The following RPS6KA1 variants were observed in gnomAD, a reference collection of about 807,000 sequenced individuals.
The protein encoded by RPS6KA1 is ribosomal protein S6 kinase alpha-1.
Under a neutral mutation model 91.3 loss-of-function variants are expected in RPS6KA1, and 48 were observed. That is an observed-to-expected ratio of 0.53 (90% CI 0.42 to 0.67). The LOEUF (loss-of-function observed/expected upper bound fraction) is 0.67, where lower values mean the gene tolerates loss of function less well. RPS6KA1 is among the 30% of genes least tolerant of loss of function. RPS6KA1 has a pLI of 0.00. For synonymous variants in RPS6KA1, 359 were observed against 384.7 expected (o/e 0.93, Z 0.78); for missense variants, 719 against 960.5 (o/e 0.75, Z 3.32).
Position 26,547,537 on chromosome 1 carries a change from C to A in RPS6KA1, c.307+267C>A. The A allele has an allele frequency of 2.4e-6, 1 of 412,068 alleles. No homozygotes were observed. 25.5% of individuals were successfully genotyped at this position (412,068 alleles called of 1,614,324 possible). ...TGTCAGGGGGCGGGGCCCTCAACTA[C>A]CAAGCTGGTCAAGCAGAGGCATTCT... On this transcript the variant is annotated intron_variant, in intron 4 of 21. Coordinates refer to ENST00000374168, the MANE Select transcript of RPS6KA1 (RefSeq NM_002953.4). The surrounding 1 kb of genome is among the most constrained non-coding windows in gnomAD (Gnocchi z 4.1).
chr1:26,531,326 C>A (rs976640473), intron 1 of RPS6KA1: 1 of 152,358 alleles, frequency 6.6e-6, no homozygotes, highest in African/African-American at 2.4e-5. Flanking sequence ...CCTCTGCAGC[C>A]CCTGTACTGC....
chr1:26,571,608 G>A lies in RPS6KA1; in HGVS notation c.1750G>A (p.Glu584Lys). Residue 584 changes from glutamate to lysine, a missense_variant and splice_region_variant, in exon 18 of 22, where the codon GAG becomes AAG. By Grantham distance (56) the Glu-to-Lys change is moderately conservative. Around this residue, in one of 5 missense-constraint regions of RPS6KA1, gnomAD observed 249 missense variants for 323.1 expected, o/e 0.77. Transcript: ENST00000374168. This position sits in a 1 kb window ranked among gnomAD's most constrained non-coding sequence, Gnocchi z 5.1. ...PCYTANFVAP[E>K]VLKRQGYDEG... The stretch of plus-strand genomic sequence containing the variant: ...CTACACAGCCAACTTTGTGGCGCCT[G>A]AGGTGAGTGGCCCAGCCTCCTCAGC... 2 of 1,614,002 alleles carry A rather than the reference G, an allele frequency of 1.2e-6. No homozygotes were observed. Among genetic ancestry groups the A allele is most frequent in the Non-Finnish European group, 1.7e-6 (2 of 1,179,968 alleles).
chr1:26,543,211 G>T (rs1191929540), intron 2 of RPS6KA1: 6 of 1,535,254 alleles, frequency 3.9e-6, no homozygotes, highest in Non-Finnish European at 4.4e-6. Context: ...TTGGTTCCCT[G>T]TCCCAGAAAG....
At chr1:26,532,014 TG>T (rs1270340917) in intron 1 of RPS6KA1, among the ~76,000 whole-genome samples, 1 of 152,162 alleles carries the variant, frequency 6.6e-6, no homozygotes. Context: ...GCACCACCAC[TG>T]CTGGCAGCTC....
In RPS6KA1 at chr1:26,529,897, C is replaced by A; in HGVS notation, c.-24C>A. 1 of 1,416,666 alleles carries A rather than the reference C, an allele frequency of 7.1e-7. No individual in the cohort carries two copies. Among genetic ancestry groups the A allele is most frequent in the South Asian group, 1.3e-5 (1 of 74,712 alleles). The allele number at this position is 1,416,666 out of a possible 1,614,324, so 87.8% of individuals were successfully genotyped here. Reference sequence around the variant, plus strand: ...GGCGCAGCCGGGGCCGCCGGAGGAGCGCGGGTGACCTGGCGGCGGCGAGAT... The same window carrying A: ...GGCGCAGCCGGGGCCGCCGGAGGAGAGCGGGTGACCTGGCGGCGGCGAGAT... On this transcript the variant is annotated 5_prime_UTR_variant, in exon 1 of 22. Coordinates refer to ENST00000374168, the MANE Select transcript of RPS6KA1 (RefSeq NM_002953.4). This position sits in a 1 kb window ranked among gnomAD's most constrained non-coding sequence, Gnocchi z 4.2.
chr1:26,538,983 C>T (rs1311326166), intron 2 of RPS6KA1, among the ~76,000 whole-genome samples: 1 of 152,192 alleles, frequency 6.6e-6, no homozygotes, highest in African/African-American at 2.4e-5. Context: ...CCCTGTTGTT[C>T]ACAGGAGGGC....
intron 17 of RPS6KA1, among the ~76,000 whole-genome samples, chr1:26,568,191 G>A (rs2076220498): frequency 6.6e-6 from 1 of 152,220 alleles, no homozygotes; most frequent in African/African-American, 2.4e-5. Context: ...TCTGTGGACT[G>A]CTTGGAGGTT....
At chr1:26,566,983 C>T (rs553612318) in intron 17 of RPS6KA1, among the ~76,000 whole-genome samples, 1 of 152,166 alleles carries the variant, frequency 6.6e-6, no homozygotes, top group Admixed American at 6.5e-5. Context: ...TGCCACTTTC[C>T]ACAGGCCAGG....
Position 26,574,704 on chromosome 1 carries a change from T to A in RPS6KA1, c.*503T>A. 1 of 339,650 alleles carries A rather than the reference T, an allele frequency of 2.9e-6. No homozygotes were observed. The highest frequency in any genetic ancestry group is 2.2e-5 in the South Asian group (1 of 44,478). 21.0% of individuals were successfully genotyped at this position (339,650 alleles called of 1,614,324 possible). A position where few individuals can be genotyped will look rare whatever the true frequency, so the allele number is the denominator to read the frequency against. On this transcript the variant is annotated 3_prime_UTR_variant, in exon 22 of 22. Transcript: ENST00000374168. The surrounding 1 kb of genome is among the most constrained non-coding windows in gnomAD (Gnocchi z 4.3). The stretch of plus-strand genomic sequence containing the variant: ...AGAACTCATTCTATCCCCAATCAGC[T>A]CCTTTTCCGTTCTGTTCTGCTGGGA...
At position 26,554,672 on chromosome 1, in the gene RPS6KA1, C is replaced by G; in HGVS notation, c.690C>G (p.Ala230=). The change falls in exon 9 of 22, where the codon GCC becomes GCG. Residue 230 remains alanine, a synonymous_variant. Coordinates refer to ENST00000374168, the MANE Select transcript of RPS6KA1 (RefSeq NM_002953.4). This position sits in a 1 kb window ranked among gnomAD's most constrained non-coding sequence, Gnocchi z 4.6. ...TCTGCGGGACAGTGGAGTACATGGCCCCTGAGGTCGTCAACCGCCAGGGCC... is the reference window on the plus strand; with the variant it reads ...TCTGCGGGACAGTGGAGTACATGGCGCCTGAGGTCGTCAACCGCCAGGGCC... The part of the protein sequence containing the change: ...YSFCGTVEYM[A]PEVVNRQGHS... 1.2e-6 allele frequency: 2 copies of G among 1,613,474 alleles called. No individual in the cohort carries two copies. The highest frequency in any genetic ancestry group is 1.7e-6 in the Non-Finnish European group (2 of 1,179,502).
Position 26,555,385 on chromosome 1 carries a change from G to A in RPS6KA1, c.828-152G>A, listed in dbSNP as rs979217639. The stretch of plus-strand genomic sequence containing the variant: ...TCCAGAGCCCCTCTTTCATCCCTGG[G>A]GGCCTGTGGGTAGGATCCCTGAAGC... On this transcript the variant is annotated intron_variant, in intron 10 of 21. Transcript: ENST00000374168. This position sits in a 1 kb window ranked among gnomAD's most constrained non-coding sequence, Gnocchi z 4.3. The A allele has an allele frequency of 5.8e-5, 57 of 980,348 alleles. No individual in the cohort carries two copies. Among genetic ancestry groups the A allele is most frequent in the South Asian group, 4.2e-4 (27 of 64,912 alleles). The allele number at this position is 980,348 out of a possible 1,614,324, so 60.7% of individuals were successfully genotyped here.
chr1:26,537,089 G>C (rs918680075), intron 2 of RPS6KA1, 120 bp downstream of exon 2: 3 of 1,028,134 alleles, frequency 2.9e-6, no homozygotes, highest in Admixed American at 1.9e-5. Context: ...GTCCTTCTCA[G>C]GGCCCACCGA....
At chr1:26,560,601 A>G (rs2076145304) in intron 14 of RPS6KA1, 125 bp from the exon 15 acceptor site, 1 of 1,248,938 alleles carries the variant, frequency 8.0e-7, no homozygotes. Flanking sequence ...CATGGCCAAC[A>G]CTCTACCCCA....
At position 26,539,879 on chromosome 1, in the gene RPS6KA1, C is replaced by T. The variant is rs193112406; in HGVS notation, c.108+2910C>T. ...TCTCCGGAGCTGGACCCCTTTGAAG[C>T]GCCTGCAGGTCTATTTTGAGAGCTG... On this transcript the variant is annotated intron_variant, in intron 2 of 21. Coordinates refer to ENST00000374168, the MANE Select transcript of RPS6KA1 (RefSeq NM_002953.4). 4.3e-3 allele frequency among the ~76,000 whole-genome samples: 655 copies of T among 152,320 alleles called. 4 individuals are homozygous for T. The highest frequency in any genetic ancestry group is 0.015 in the African/African-American group (627 of 41,568).
In RPS6KA1 at chr1:26,555,938, T is replaced by C. The variant is rs1405131880; in HGVS notation, c.916+313T>C. 3.7e-5 allele frequency: 17 copies of C among 463,052 alleles called. No homozygotes were observed. In the East Asian group the frequency reaches 6.7e-4, roughly 18 times the overall value. The allele number at this position is 463,052 out of a possible 1,614,324, so 28.7% of individuals were successfully genotyped here. On this transcript the variant is annotated intron_variant, in intron 11 of 21. Coordinates refer to ENST00000374168, the MANE Select transcript of RPS6KA1 (RefSeq NM_002953.4). The surrounding 1 kb of genome is among the most constrained non-coding windows in gnomAD (Gnocchi z 4.3). ...GCATGAGCTCAGGAGTCAGAAGGCA[T>C]AGGTCCCAATCCCGGCTCTGTGTCA...
chr1:26,543,997 C>T (rs746788779), intron 2 of RPS6KA1: 21 of 442,148 alleles, frequency 4.7e-5, no homozygotes, highest in South Asian at 2.7e-4. Flanking sequence ...AGAGGTGGGT[C>T]TGCAAGAAAT....
In RPS6KA1 at chr1:26,547,112, G is replaced by A; in HGVS notation, c.226-77G>A. On this transcript the variant is annotated intron_variant, in intron 3 of 21. Transcript: ENST00000374168. The surrounding 1 kb of genome is among the most constrained non-coding windows in gnomAD (Gnocchi z 4.1). ...AGGGAGAGCAAAAAGGTCAGCTTGGGGCTCAGAGAAGATAGAGGTCAGCCT... is the reference window on the plus strand; with the variant it reads ...AGGGAGAGCAAAAAGGTCAGCTTGGAGCTCAGAGAAGATAGAGGTCAGCCT... 4 of 1,565,670 alleles carry A rather than the reference G, an allele frequency of 2.6e-6. No individual in the cohort carries two copies. The South Asian group carries it at 3.3e-5, about 13-fold the overall frequency.
At chr1:26,545,770 G>A in intron 2 of RPS6KA1, 1 of 1,305,438 alleles carries the variant, frequency 7.7e-7, no homozygotes, top group Non-Finnish European at 1.0e-6. Flanking sequence ...CACAGGCCCT[G>A]AGTGATTGGC....
chr1:26,555,337 C>A lies in RPS6KA1; in HGVS notation c.827+116C>A. On this transcript the variant is annotated intron_variant, in intron 10 of 21. Coordinates refer to ENST00000374168, the MANE Select transcript of RPS6KA1 (RefSeq NM_002953.4). The surrounding 1 kb of genome is among the most constrained non-coding windows in gnomAD (Gnocchi z 4.3). ...CAGCTACCCTCTCTAATGAGACTCTCCTCTGGGTTAAACATTATACCTTCC... is the reference window on the plus strand; with the variant it reads ...CAGCTACCCTCTCTAATGAGACTCTACTCTGGGTTAAACATTATACCTTCC... The A allele has an allele frequency of 9.0e-7, 1 of 1,108,904 alleles. No individual in the cohort carries two copies. Among genetic ancestry groups the A allele is most frequent in the Non-Finnish European group, 1.3e-6 (1 of 753,786 alleles). 68.7% of individuals were successfully genotyped at this position (1,108,904 alleles called of 1,614,324 possible). A position where few individuals can be genotyped will look rare whatever the true frequency, so the allele number is the denominator to read the frequency against.
Sources: allele counts gnomAD v4.1 joint callset (sites outside exome capture counted in the v4.1 genomes callset), GRCh38; gene constraint gnomAD v4.1.1; regional missense constraint gnomAD v4.1.1; non-coding constraint Gnocchi (gnomAD v3.1); transcripts MANE v1.5; gene names NCBI Gene and HGNC (gene_info 2026-07-23, HGNC 2026-07-21).